The following TPRG1 variants were observed in gnomAD, a reference collection of about 807,000 sequenced individuals.
The protein encoded by TPRG1 is tumor protein p63-regulated gene 1 protein.
Under a neutral mutation model 29.3 loss-of-function variants are expected in TPRG1, and 29 were observed. The observed-to-expected ratio is 0.99, with a 90% CI of 0.74 to 1.35. The LOEUF (loss-of-function observed/expected upper bound fraction) is 1.35, where lower values mean the gene tolerates loss of function less well. Ranked by LOEUF, TPRG1 falls within the 40% of genes most tolerant of loss-of-function variation. The pLI is 0.00. For synonymous variants in TPRG1, 130 were observed against 116.8 expected (o/e 1.11, Z -0.73); for missense variants, 327 against 335.0 (o/e 0.98, Z 0.19).
chr3:189,058,219 G>T (rs1715864560), intron 4 of TPRG1, among the ~76,000 whole-genome samples: 1 of 152,118 alleles, frequency 6.6e-6, no homozygotes, highest in Admixed American at 6.6e-5. Flanking sequence ...TCCCAGCGAT[G>T]ACAAGTAATG....
chr3:189,254,927 G>A (rs977095393), intron 4 of TPRG1, among the ~76,000 whole-genome samples: 2 of 152,182 alleles, frequency 1.3e-5, no homozygotes, highest in Admixed American at 6.5e-5. Context: ...TTGGGGCTGA[G>A]AAGATGGGGT....
intron 4 of TPRG1, among the ~76,000 whole-genome samples, chr3:189,091,476 C>T (rs1718334720): frequency 6.6e-6 from 1 of 152,144 alleles, no homozygotes; most frequent in Admixed American, 6.5e-5. Context: ...GCTCTCCACA[C>T]CCTCCACCTC....
chr3:189,039,490 A>G (rs1714493490), intron 4 of TPRG1, among the ~76,000 whole-genome samples: 11 of 152,196 alleles, frequency 7.2e-5, no homozygotes, highest in Admixed American at 7.2e-4. Flanking sequence ...TGAAAGGGGA[A>G]AATGATACAA....
chr3:189,116,678 C>G (rs1721218446), intron 1 of TPRG1, among the ~76,000 whole-genome samples: 2 of 152,040 alleles, frequency 1.3e-5, no homozygotes, highest in Non-Finnish European at 2.9e-5. Context: ...TGAAATAAGC[C>G]AGTCATAAAA....
chr3:189,179,057 T>C (rs1729866419), intron 1 of TPRG1, among the ~76,000 whole-genome samples: 2 of 152,190 alleles, frequency 1.3e-5, no homozygotes, highest in Admixed American at 6.5e-5. Context: ...TTTTATACCT[T>C]TACTCATAGA....
At chr3:189,170,648 A>G (rs1728710085), upstream of TPRG1, among the ~76,000 whole-genome samples, 1 of 152,196 alleles carries the variant, frequency 6.6e-6, no homozygotes, top group Non-Finnish European at 1.5e-5. Flanking sequence ...ATAACTGAGA[A>G]AGCTCAAGGT....
chr3:189,208,137 G>A (rs1173021851), intron 2 of TPRG1, among the ~76,000 whole-genome samples: 1 of 152,208 alleles, frequency 6.6e-6, no homozygotes, highest in East Asian at 1.9e-4. Flanking sequence ...AAAGTAAATG[G>A]ATGGGTAAGT....
intron 1 of TPRG1, among the ~76,000 whole-genome samples, chr3:189,173,400 C>T (rs1985856): frequency 2.3e-3 from 327 of 141,036 alleles, no homozygotes; most frequent in Middle Eastern, 7.4e-3. Flanking sequence ...AGGGTAGTGG[C>T]GCGATCTCGG....
chr3:189,181,222 C>T, intron 1 of TPRG1, among the ~76,000 whole-genome samples: 1 of 152,152 alleles, frequency 6.6e-6, no homozygotes, highest in East Asian at 1.9e-4. Flanking sequence ...TCTGACATGC[C>T]CTGGAGACAT....
chr3:189,064,878 T>C (rs1307955984), intron 4 of TPRG1, among the ~76,000 whole-genome samples: 1 of 152,154 alleles, frequency 6.6e-6, no homozygotes, highest in East Asian at 1.9e-4. Context: ...GGATTAATAA[T>C]TTAAAAACTA....
chr3:189,219,923 T>C (rs761843258), intron 3 of TPRG1: 25 of 237,628 alleles, frequency 1.1e-4, no homozygotes, highest in Non-Finnish European at 1.6e-4. Context: ...GTAATTAATA[T>C]GTGAAATCGG....
chr3:189,234,274 C>T (rs530316912), intron 3 of TPRG1, among the ~76,000 whole-genome samples: 1 of 152,184 alleles, frequency 6.6e-6, no homozygotes, highest in South Asian at 2.1e-4. Flanking sequence ...AAGCTGCAAA[C>T]CTATGGATGG....
intron 4 of TPRG1, among the ~76,000 whole-genome samples, chr3:189,084,004 G>A (rs1006004930): frequency 3.9e-5 from 6 of 152,084 alleles, no homozygotes; most frequent in African/African-American, 7.2e-5. Flanking sequence ...GTGGTGAAAC[G>A]GCTGGGCGTG....
Position 189,011,869 on chromosome 3 carries a change from T to A in TPRG1, c.-660+7109T>A, listed in dbSNP as rs1053046381. ...TCACTTTCCTTGTTAGCTGTATTCC[T>A]AGTTATTTTATTCTTTTTGTAGCAA... On this transcript the variant is annotated intron_variant, in intron 3 of 10. Coordinates refer to the TPRG1 transcript ENST00000433971. Among the ~76,000 whole-genome samples, 6 of 152,208 alleles carry A rather than the reference T, an allele frequency of 3.9e-5. 1 individual carries two copies. The highest frequency in any genetic ancestry group is 8.8e-5 in the Non-Finnish European group (6 of 68,028).
intron 3 of TPRG1, among the ~76,000 whole-genome samples, chr3:189,009,457 C>T (rs1712478802): frequency 6.6e-6 from 1 of 152,046 alleles, no homozygotes; most frequent in Non-Finnish European, 1.5e-5. Context: ...TGTATTGAGA[C>T]CCTTTAAGGA....
At chr3:189,261,924 A>G (rs1278345157) in intron 4 of TPRG1, among the ~76,000 whole-genome samples, 4 of 152,118 alleles carry the variant, frequency 2.6e-5, no homozygotes, top group Non-Finnish European at 4.4e-5. Context: ...ATATGGTGAA[A>G]GTTTCTAAAT....
At chr3:189,247,527 G>A (rs1741537432) in intron 4 of TPRG1, among the ~76,000 whole-genome samples, 1 of 151,788 alleles carries the variant, frequency 6.6e-6, no homozygotes, top group South Asian at 2.1e-4. Context: ...AATACTATGG[G>A]ATTTATTCCT....
At chr3:189,266,613 AT>A (rs1309617420) in intron 4 of TPRG1, among the ~76,000 whole-genome samples, 1 of 152,166 alleles carries the variant, frequency 6.6e-6, no homozygotes, top group Non-Finnish European at 1.5e-5. Flanking sequence ...TAGGAACAAG[AT>A]GGTATCTCAC....
chr3:189,079,790 T>C (rs1717463695), intron 4 of TPRG1, among the ~76,000 whole-genome samples: 1 of 152,174 alleles, frequency 6.6e-6, no homozygotes, highest in South Asian at 2.1e-4. Context: ...TCTAAGCACA[T>C]GTTTAAGATC....
Sources: allele counts gnomAD v4.1 joint callset (sites outside exome capture counted in the v4.1 genomes callset), GRCh38; gene constraint gnomAD v4.1.1; transcripts MANE v1.5; gene names NCBI Gene and HGNC (gene_info 2026-07-23, HGNC 2026-07-21).